The following GDE1 variants were observed in gnomAD, a reference collection of about 807,000 sequenced individuals.
The protein encoded by GDE1 is glycerophosphodiester phosphodiesterase 1, also known as RGS16-interacting membrane protein.
A neutral mutation model predicts 32.2 loss-of-function variants in GDE1; 24 were observed. The observed-to-expected ratio is 0.75, with a 90% CI of 0.54 to 1.05. The LOEUF is 1.05. Ranked by LOEUF, GDE1 falls within the 50% of genes least tolerant of loss-of-function variation. The pLI is 0.00. For missense variants in GDE1, 380 were observed against 415.0 expected (o/e 0.92, Z 0.73); for synonymous variants, 159 against 158.6 (o/e 1.00, Z -0.02).
intron 2 of GDE1, among the ~76,000 whole-genome samples, chr16:19,515,750 GT>G (rs757739720): frequency 6.6e-6 from 1 of 152,130 alleles, no homozygotes; most frequent in Non-Finnish European, 1.5e-5. Context: ...AGGAAAACAG[GT>G]CTGGATCATC....
chr16:19,522,080 G>A lies in GDE1; in HGVS notation c.-116C>T, dbSNP rs957628485. On this transcript the variant is annotated 5_prime_UTR_variant, in exon 1 of 6. Coordinates refer to ENST00000353258, the MANE Select transcript of GDE1 (RefSeq NM_016641.4). Reference sequence around the variant, plus strand: ...CCGGCAGCAGCAGGAACCCTCTGAGGGGACCAGCGCCGCACAATGGCGGCA... The same window carrying A: ...CCGGCAGCAGCAGGAACCCTCTGAGAGGACCAGCGCCGCACAATGGCGGCA... The A allele has an allele frequency of 1.8e-6, 2 of 1,091,098 alleles. No individual in the cohort carries two copies. Among genetic ancestry groups the A allele is most frequent in the African/African-American group, 3.1e-5 (2 of 63,498 alleles). The allele number at this position is 1,091,098 out of a possible 1,614,324, so 67.6% of individuals were successfully genotyped here. A position where few individuals can be genotyped will look rare whatever the true frequency, so the allele number is the denominator to read the frequency against.
At chr16:19,519,450 A>ATATG (rs1491221843) in intron 1 of GDE1, among the ~76,000 whole-genome samples, 5 of 1,656 alleles carry the variant, frequency 3.0e-3, no homozygotes, top group African/African-American at 5.8e-3. Context: ...GTGTATGTGC[A>ATATG]TATATATATA....
At chr16:19,507,521 G>A (rs1969263086) in intron 4 of GDE1, 166 bp downstream of exon 4, 3 of 596,314 alleles carry the variant, frequency 5.0e-6, no homozygotes, top group Non-Finnish European at 9.1e-6. Context: ...AGGGGTATGA[G>A]TACATTCCCC....
intron 1 of GDE1, among the ~76,000 whole-genome samples, chr16:19,519,385 A>G (rs1275783504): frequency 6.6e-6 from 1 of 151,866 alleles, no homozygotes; most frequent in African/African-American, 2.4e-5. Flanking sequence ...AAAATACTGT[A>G]GCAAGGGCTG....
At position 19,521,842 on chromosome 16, in the gene GDE1, T is replaced by G; in HGVS notation, c.123A>C (p.Leu41=). The change falls in exon 1 of 6, where the codon CTA becomes CTC. Residue 41 remains leucine, a synonymous_variant. Transcript: ENST00000353258. ...ACLLTGSLFV[L]LRVFSFEPVP... ...CCGGCTCAAAGCTGAAGACGCGCAG[T>G]AGAACGAAGAGGCTGCCGGTGAGGA... 6 of 1,609,904 alleles carry G rather than the reference T, an allele frequency of 3.7e-6. No homozygotes were observed. Among genetic ancestry groups the G allele is most frequent in the Non-Finnish European group, 5.1e-6 (6 of 1,178,818 alleles).
chr16:19,506,015 A>T (rs1468387098), intron 4 of GDE1, among the ~76,000 whole-genome samples: 1 of 152,190 alleles, frequency 6.6e-6, no homozygotes, highest in African/African-American at 2.4e-5. Flanking sequence ...TAGAAAATGG[A>T]CAGATCTGGC....
At chr16:19,503,851 A>G in intron 5 of GDE1, 1 of 415,354 alleles carries the variant, frequency 2.4e-6, no homozygotes. Context: ...GCCACCCCCA[A>G]ATGTCCTTGG....
At chr16:19,520,408 GA>G (rs71375647) in intron 1 of GDE1, among the ~76,000 whole-genome samples, 4,405 of 131,528 alleles carry the variant, frequency 0.033, 213 homozygotes, top group African/African-American at 0.11. Context: ...TAAAAAAAAA[GA>G]AAAAAAAAAA....
At chr16:19,511,698 T>C (rs1162947708) in intron 2 of GDE1, among the ~76,000 whole-genome samples, 1 of 152,120 alleles carries the variant, frequency 6.6e-6, no homozygotes, top group African/African-American at 2.4e-5. Context: ...AAATTCTCCT[T>C]ATTCTCCTCT....
At chr16:19,512,360 C>T (rs1969328190) in intron 2 of GDE1, among the ~76,000 whole-genome samples, 1 of 151,534 alleles carries the variant, frequency 6.6e-6, no homozygotes, top group Non-Finnish European at 1.5e-5. Flanking sequence ...ATTTGTGTGT[C>T]CTCTTTTGAA....
chr16:19,503,424 G>A lies in GDE1; in HGVS notation c.*46C>T. On this transcript the variant is annotated 3_prime_UTR_variant, in exon 6 of 6. Coordinates refer to ENST00000353258, the MANE Select transcript of GDE1 (RefSeq NM_016641.4). ...AAAGGGTATTTTGATATCCCTGTAT[G>A]AGGCCCCTGGCAGTTTCTGAACCCG... 1 of 1,577,954 alleles carries A rather than the reference G, an allele frequency of 6.3e-7. No individual in the cohort carries two copies. The highest frequency in any genetic ancestry group is 8.7e-7 in the Non-Finnish European group (1 of 1,151,908).
chr16:19,510,896 T>G lies in GDE1; in HGVS notation c.486A>C (p.Ala162=). ...EKIPTLREAV[A]ECLNHNLTIF... Reference sequence around the variant, plus strand: ...TTGTGAGGTTATGGTTTAGGCACTCTGCAACAGCTTCCCTTAGGGTAGGGA... The same window carrying G: ...TTGTGAGGTTATGGTTTAGGCACTCGGCAACAGCTTCCCTTAGGGTAGGGA... Residue 162 remains alanine, a synonymous_variant, in exon 3 of 6, where the codon GCA becomes GCC. Transcript: ENST00000353258. 6.2e-7 allele frequency: 1 copy of G among 1,604,904 alleles called. No individual in the cohort carries two copies. Among genetic ancestry groups the G allele is most frequent in the South Asian group, 1.1e-5 (1 of 89,976 alleles).
chr16:19,508,847 C>T (rs762742489), intron 3 of GDE1, among the ~76,000 whole-genome samples: 26 of 152,204 alleles, frequency 1.7e-4, no homozygotes, highest in Non-Finnish European at 2.8e-4. Context: ...CTGTGCTCTA[C>T]TAGCTCCACT....
At chr16:19,503,661 T>C (rs112199105) in intron 5 of GDE1, 44 bp from the exon 6 acceptor site, 1 of 1,562,794 alleles carries the variant, frequency 6.4e-7, no homozygotes, top group Non-Finnish European at 8.8e-7. Flanking sequence ...AATAAGCAGC[T>C]GTCTCAGGAA....
Position 19,506,750 on chromosome 16 carries a change from A to T in GDE1, c.636+937T>A, listed in dbSNP as rs574336587. 2.6e-5 allele frequency among the ~76,000 whole-genome samples: 4 copies of T among 152,362 alleles called. No individual in the cohort carries two copies. The East Asian group carries it at 7.7e-4, about 29-fold the overall frequency. ...ATTTATGACATTTCCGAGACAAGTC[A>T]AAATTTATACACTGGATATTTGATG... On this transcript the variant is annotated intron_variant, in intron 4 of 5. Coordinates refer to ENST00000353258, the MANE Select transcript of GDE1 (RefSeq NM_016641.4).
chr16:19,504,077 AC>A (rs1225478851), intron 5 of GDE1: 1 of 154,144 alleles, frequency 6.5e-6, no homozygotes, highest in Non-Finnish European at 1.4e-5. Flanking sequence ...ATTCCCACTC[AC>A]CCTTCAGATC....
intron 1 of GDE1, chr16:19,521,159 C>T (rs1969448442): frequency 6.5e-6 from 1 of 153,254 alleles, no homozygotes; most frequent in East Asian, 1.9e-4. Context: ...GAAGTCAGGC[C>T]ACACACTGCC....
At position 19,517,104 on chromosome 16, in the gene GDE1, A is replaced by G; in HGVS notation, c.347T>C (p.Val116Ala). The change falls in exon 2 of 6, where the codon GTA becomes GCA. Residue 116 changes from valine (V) to alanine (A), a missense_variant. Transcript: ENST00000353258. ...CCCAGTCCCATCAGTCGTCCTATCT[A>G]CTGTGTTATCGTGCATTAAGACAGG... ...GIPVLMHDNT[V>A]DRTTDGTGRL... 6.2e-7 allele frequency: 1 copy of G among 1,613,900 alleles called. No individual in the cohort carries two copies. The highest frequency in any genetic ancestry group is 1.1e-5 in the South Asian group (1 of 91,076).
At chr16:19,506,296 C>G (rs1012108746) in intron 4 of GDE1, among the ~76,000 whole-genome samples, 1 of 151,242 alleles carries the variant, frequency 6.6e-6, no homozygotes, top group Admixed American at 6.6e-5. Context: ...AAACAAGGAC[C>G]CCCCCCAAAA....
Sources: allele counts gnomAD v4.1 joint callset (sites outside exome capture counted in the v4.1 genomes callset), GRCh38; gene constraint gnomAD v4.1.1; transcripts MANE v1.5; gene names NCBI Gene and HGNC (gene_info 2026-07-23, HGNC 2026-07-21).